The following THSD4 variants were observed in gnomAD, a reference collection of about 807,000 sequenced individuals.
THSD4 encodes thrombospondin type 1 domain containing 4, also known as thrombospondin type-1 domain-containing protein 4.
THSD4 carries 69 observed loss-of-function variants against 119.0 expected under a neutral mutation model. The ratio of observed to expected loss-of-function variants is 0.58; its 90% CI spans 0.48 to 0.71. THSD4 has a LOEUF of 0.71. THSD4 is among the 30% of genes least tolerant of loss of function. THSD4 has a pLI of 0.00. For synonymous variants in THSD4, 524 were observed against 540.4 expected, an observed-to-expected ratio of 0.97 and a Z score of 0.42; for missense variants, 1,393 against 1,391.1, an observed-to-expected ratio of 1.00 and a Z score of -0.02.
At chr15:71,480,117 A>T (rs942801775) in intron 7 of THSD4, among the ~76,000 whole-genome samples, 1 of 151,934 alleles carries the variant, frequency 6.6e-6, no homozygotes, top group African/African-American at 2.4e-5. Context: ...GCTCACTGCA[A>T]CCTCCGCTGC....
At chr15:71,287,651 T>C (rs1269444164) in intron 6 of THSD4, among the ~76,000 whole-genome samples, 2 of 152,234 alleles carry the variant, frequency 1.3e-5, no homozygotes, top group African/African-American at 4.8e-5. Context: ...GAGGCAAATG[T>C]AACTTGCTGA....
At chr15:71,667,436 T>C (rs975813497) in intron 8 of THSD4, among the ~76,000 whole-genome samples, 1 of 152,184 alleles carries the variant, frequency 6.6e-6, no homozygotes, top group African/African-American at 2.4e-5. Context: ...CAAGCACAAA[T>C]TGATTATACA....
chr15:71,196,492 T>G (rs1460805137), intron 3 of THSD4, among the ~76,000 whole-genome samples: 2 of 151,854 alleles, frequency 1.3e-5, no homozygotes, highest in South Asian at 4.1e-4. Flanking sequence ...ACTGACCAGG[T>G]TGGAGGAGTG....
At chr15:71,755,033 C>T (rs560937605) in intron 14 of THSD4, among the ~76,000 whole-genome samples, 11 of 152,194 alleles carry the variant, frequency 7.2e-5, no homozygotes, top group Non-Finnish European at 1.6e-4. Context: ...TCCCCATCTC[C>T]AGTGATAAGA....
intron 7 of THSD4, among the ~76,000 whole-genome samples, chr15:71,514,182 C>T (rs2048321873): frequency 6.6e-6 from 1 of 152,152 alleles, no homozygotes; most frequent in South Asian, 2.1e-4. Flanking sequence ...CGAGGCACAG[C>T]AGCTGGGGAG....
At chr15:71,324,540 A>G (rs2045315843) in intron 6 of THSD4, among the ~76,000 whole-genome samples, 1 of 152,194 alleles carries the variant, frequency 6.6e-6, no homozygotes, top group Non-Finnish European at 1.5e-5. Context: ...GCTCCCACTT[A>G]TAAATGAAAA....
chr15:71,117,287 C>T (rs755035473), intron 1 of THSD4, among the ~76,000 whole-genome samples: 8 of 152,144 alleles, frequency 5.3e-5, no homozygotes, highest in Non-Finnish European at 1.0e-4. Context: ...AAGAAAAATA[C>T]AGCCCAGAGT....
intron 7 of THSD4, among the ~76,000 whole-genome samples, chr15:71,441,816 A>G (rs1443651686): frequency 1.3e-5 from 2 of 152,026 alleles, no homozygotes; most frequent in South Asian, 2.1e-4. Flanking sequence ...ACTTTAGTAA[A>G]GCGGGGATGA....
At chr15:71,410,894 C>A (rs2046678024) in intron 6 of THSD4, among the ~76,000 whole-genome samples, 1 of 151,872 alleles carries the variant, frequency 6.6e-6, no homozygotes, top group Non-Finnish European at 1.5e-5. Context: ...CACACACACA[C>A]AAAATTAGCT....
At position 71,181,222 on chromosome 15, in the gene THSD4, C is replaced by T. The variant is rs151115845; in HGVS notation, c.99+26290C>T. Among the ~76,000 whole-genome samples the T allele has an allele frequency of 2.8e-4, 43 of 152,176 alleles. No homozygotes were observed. The East Asian group carries it at 8.3e-3, about 29-fold the overall frequency. ...ATGGCATAAATATAACTGACTGCTGCTGAAAAATTAAGAGCATTTCTACTT... is the reference window on the plus strand; with the variant it reads ...ATGGCATAAATATAACTGACTGCTGTTGAAAAATTAAGAGCATTTCTACTT... On this transcript the variant is annotated intron_variant, in intron 3 of 17. Transcript: ENST00000261862.
chr15:71,399,487 C>T (rs972050182), intron 6 of THSD4, among the ~76,000 whole-genome samples: 1 of 152,202 alleles, frequency 6.6e-6, no homozygotes, highest in African/African-American at 2.4e-5. Context: ...TTCCTCCTTG[C>T]AAGGCCTCCT....
At chr15:71,399,962 A>G (rs1250215081) in intron 6 of THSD4, among the ~76,000 whole-genome samples, 3 of 152,166 alleles carry the variant, frequency 2.0e-5, no homozygotes, top group East Asian at 3.8e-4. Flanking sequence ...ATTTTTTTTC[A>G]GGGTTTAAAA....
At chr15:71,611,922 G>A (rs2050237875) in intron 7 of THSD4, among the ~76,000 whole-genome samples, 1 of 152,192 alleles carries the variant, frequency 6.6e-6, no homozygotes, top group African/African-American at 2.4e-5. Context: ...CTGTAAATTA[G>A]TTTGGAAAAT....
chr15:71,381,684 A>G (rs896100816), intron 6 of THSD4, among the ~76,000 whole-genome samples: 2 of 152,240 alleles, frequency 1.3e-5, no homozygotes, highest in African/African-American at 4.8e-5. Flanking sequence ...CATTATAATC[A>G]GCAATTGAAA....
chr15:71,377,706 A>G (rs1357915958), intron 6 of THSD4, among the ~76,000 whole-genome samples: 8 of 152,114 alleles, frequency 5.3e-5, no homozygotes, highest in African/African-American at 1.9e-4. Context: ...TTCGGGACCT[A>G]AGCTAACCGT....
intron 6 of THSD4, among the ~76,000 whole-genome samples, chr15:71,274,609 C>G (rs2044569654): frequency 6.6e-6 from 1 of 152,132 alleles, no homozygotes; most frequent in African/African-American, 2.4e-5. Context: ...TGAAATGTCT[C>G]TGGGACAGGC....
chr15:71,720,022 CTTT>C (rs750020826), intron 8 of THSD4, among the ~76,000 whole-genome samples: 8 of 114,504 alleles, frequency 7.0e-5, no homozygotes, highest in South Asian at 3.0e-4. Flanking sequence ...ATAACATGTG[CTTT>C]TTTTTTTTTT....
At chr15:71,131,530 G>T (rs910686351) in intron 1 of THSD4, among the ~76,000 whole-genome samples, 2 of 151,262 alleles carry the variant, frequency 1.3e-5, no homozygotes, top group Non-Finnish European at 2.9e-5. Flanking sequence ...GGCAAATAAG[G>T]TTGTAAAAAA....
intron 7 of THSD4, among the ~76,000 whole-genome samples, chr15:71,621,876 T>A (rs2050424432): frequency 6.6e-6 from 1 of 152,248 alleles, no homozygotes; most frequent in South Asian, 2.1e-4. Flanking sequence ...AGTTTATAGG[T>A]AGAAAAAGAA....
Sources: gnomAD v4.1 joint callset for allele counts (sites outside exome capture counted in the v4.1 genomes callset) on GRCh38, gnomAD v4.1.1 for gene constraint, MANE v1.5 for transcripts, NCBI Gene and HGNC (gene_info 2026-07-23, HGNC 2026-07-21) for gene names.